MYOM2: variants seen among roughly 807,000 people sequenced by gnomAD.
The protein encoded by MYOM2 is myomesin-2.
Under a neutral mutation model 187.6 loss-of-function variants are expected in MYOM2, and 254 were observed. That is an observed-to-expected ratio of 1.35 (90% CI 1.22 to 1.50). The LOEUF (loss-of-function observed/expected upper bound fraction) is 1.50. Ranked by LOEUF, MYOM2 falls within the 40% of genes most tolerant of loss-of-function variation. The pLI is 0.00. For synonymous variants in MYOM2, 981 were observed against 753.8 expected (o/e 1.30, Z -4.94); for missense variants, 2,796 against 1,924.0 (o/e 1.45, Z -8.48).
At chr8:2,104,887 C>T (rs916156050) in intron 21 of MYOM2, among the ~76,000 whole-genome samples, 2 of 152,160 alleles carry the variant, frequency 1.3e-5, no homozygotes, top group Non-Finnish European at 2.9e-5. Flanking sequence ...CCCAGTCTTT[C>T]CAGAAAGACA....
At chr8:2,134,817 G>A (rs1798010437) in intron 32 of MYOM2, among the ~76,000 whole-genome samples, 1 of 152,006 alleles carries the variant, frequency 6.6e-6, no homozygotes, top group East Asian at 1.9e-4. Flanking sequence ...TATTTTCTGG[G>A]CCCGTAAAAC....
intron 14 of MYOM2, among the ~76,000 whole-genome samples, chr8:2,089,309 A>T (rs1796212212): frequency 6.6e-6 from 1 of 152,234 alleles, no homozygotes; most frequent in South Asian, 2.1e-4. Context: ...AGTTACATGG[A>T]ATGCAATTAA....
chr8:2,048,596 G>A (rs1818382592), intron 1 of MYOM2, among the ~76,000 whole-genome samples: 2 of 152,096 alleles, frequency 1.3e-5, no homozygotes, highest in Admixed American at 6.5e-5. Context: ...GATTCAATAT[G>A]GAACGCCAGA....
intron 14 of MYOM2, among the ~76,000 whole-genome samples, chr8:2,086,900 G>A (rs10102743): frequency 0.31 from 47,149 of 152,042 alleles, 8,973 homozygotes; most frequent in Middle Eastern, 0.42. Flanking sequence ...CACACAAGAC[G>A]CAGAAGGGTT....
At chr8:2,062,936 C>T (rs906438969) in intron 6 of MYOM2, among the ~76,000 whole-genome samples, 3 of 152,190 alleles carry the variant, frequency 2.0e-5, no homozygotes, top group African/African-American at 2.4e-5. Context: ...ACATGGGCTT[C>T]GAACGGAATG....
At chr8:2,061,786 C>T (rs1286084457) in intron 6 of MYOM2, among the ~76,000 whole-genome samples, 2 of 152,212 alleles carry the variant, frequency 1.3e-5, no homozygotes, top group Admixed American at 6.5e-5. Flanking sequence ...CCGGGTTTCT[C>T]TAGGAAAGCT....
At chr8:2,116,129 G>C (rs760886658) in intron 26 of MYOM2, 25 bp downstream of exon 26, 1 of 1,150,042 alleles carries the variant, frequency 8.7e-7, no homozygotes, top group African/African-American at 3.9e-5. Flanking sequence ...ATATTTCCAC[G>C]TCCATACAAG....
chr8:2,099,033 G>T, intron 19 of MYOM2, 50 bp downstream of exon 19: 1 of 1,544,542 alleles, frequency 6.5e-7, no homozygotes, highest in Non-Finnish European at 8.8e-7. Flanking sequence ...AGGCTGGCTG[G>T]GAAGGGGCCT....
At chr8:2,127,537 T>C (rs1227474672) in intron 31 of MYOM2, among the ~76,000 whole-genome samples, 2 of 152,244 alleles carry the variant, frequency 1.3e-5, no homozygotes, top group East Asian at 1.9e-4. Flanking sequence ...TGCAGTGGAC[T>C]AGCGGGGTTT....
intron 17 of MYOM2, among the ~76,000 whole-genome samples, chr8:2,094,936 A>G (rs1796428394): frequency 6.6e-6 from 1 of 152,118 alleles, no homozygotes; most frequent in African/African-American, 2.4e-5. Context: ...CTGTTTTCTC[A>G]TGAAATGCAC....
chr8:2,101,772 A>G (rs1317185634), intron 20 of MYOM2, among the ~76,000 whole-genome samples: 1 of 152,142 alleles, frequency 6.6e-6, no homozygotes, highest in African/African-American at 2.4e-5. Flanking sequence ...AATTTACTTA[A>G]TTCATGTGAT....
intron 1 of MYOM2, among the ~76,000 whole-genome samples, chr8:2,046,977 G>A (rs1021899026): frequency 1.3e-5 from 2 of 152,090 alleles, no homozygotes; most frequent in African/African-American, 4.8e-5. Flanking sequence ...CTTTGTGAGC[G>A]CTGGTATGAC....
In MYOM2 at chr8:2,117,965, G is replaced by C. The variant is rs780178510; in HGVS notation, c.3453+13G>C. Reference sequence around the variant, plus strand: ...ACTTGTTTGCAAGGTGAGAAACCCGGTTCTAACAGGAAAACAATAAATCTC... The same window carrying C: ...ACTTGTTTGCAAGGTGAGAAACCCGCTTCTAACAGGAAAACAATAAATCTC... On this transcript the variant is annotated intron_variant, in intron 28 of 36. Coordinates refer to ENST00000262113, the MANE Select transcript of MYOM2 (RefSeq NM_003970.4). 6.2e-7 allele frequency: 1 copy of C among 1,609,524 alleles called. No individual in the cohort carries two copies. Among genetic ancestry groups the C allele is most frequent in the South Asian group, 1.1e-5 (1 of 90,656 alleles).
At chr8:2,079,661 A>G in intron 13 of MYOM2, 48 bp downstream of exon 13, 1 of 1,580,658 alleles carries the variant, frequency 6.3e-7, no homozygotes, top group South Asian at 1.1e-5. Context: ...GGGGATTTGG[A>G]GTTGTAATTA....
At chr8:2,101,471 C>G (rs1406796842) in intron 20 of MYOM2, among the ~76,000 whole-genome samples, 1 of 152,238 alleles carries the variant, frequency 6.6e-6, no homozygotes, top group African/African-American at 2.4e-5. Context: ...AAGCCAGCAC[C>G]GAGCCCCGAG....
chr8:2,073,213 T>A, intron 9 of MYOM2, 126 bp from the exon 10 acceptor site: 1 of 1,039,512 alleles, frequency 9.6e-7, no homozygotes, highest in Non-Finnish European at 1.4e-6. Flanking sequence ...AGGCTGAGGC[T>A]CTGCCTTCCG....
intron 6 of MYOM2, among the ~76,000 whole-genome samples, chr8:2,061,807 C>T (rs778967013): frequency 5.9e-5 from 9 of 152,356 alleles, no homozygotes; most frequent in Non-Finnish European, 1.0e-4. Flanking sequence ...CTCCTTCTGG[C>T]GGGCTCCTTG....
At chr8:2,090,932 G>A (rs1266457692) in intron 15 of MYOM2, among the ~76,000 whole-genome samples, 3 of 150,906 alleles carry the variant, frequency 2.0e-5, no homozygotes, top group East Asian at 1.9e-4. Flanking sequence ...ATGAACATTC[G>A]CATCCATATG....
chr8:2,086,197 T>TGGCACTCCACTGTCATGATCTCC, intron 14 of MYOM2, among the ~76,000 whole-genome samples: 1 of 33,682 alleles, frequency 3.0e-5, no homozygotes, highest in Non-Finnish European at 6.2e-5. Flanking sequence ...TCATGATCTC[T>TGGCACTCCACTGTCATGATCTCC]GCGTGGCCCC....
Sources: gnomAD v4.1 joint callset for allele counts (sites outside exome capture counted in the v4.1 genomes callset) on GRCh38, gnomAD v4.1.1 for gene constraint, MANE v1.5 for transcripts, NCBI Gene and HGNC (gene_info 2026-07-23, HGNC 2026-07-21) for gene names.